The following SPAST variants were observed in gnomAD, a reference collection of about 807,000 sequenced individuals.
The protein encoded by SPAST is spastic paraplegia 4 (autosomal dominant; spastin).
Under a neutral mutation model 76.6 loss-of-function variants are expected in SPAST, and 30 were observed. That is an observed-to-expected ratio of 0.39 (90% confidence interval 0.29 to 0.53). The LOEUF (loss-of-function observed/expected upper bound fraction) is 0.53. Ranked by LOEUF, SPAST falls within the 20% of genes least tolerant of loss-of-function variation. The pLI is 0.68. For synonymous variants in SPAST, 305 were observed against 281.0 expected, an observed-to-expected ratio of 1.09 and a Z score of -0.86; for missense variants, 717 against 770.5, an observed-to-expected ratio of 0.93 and a Z score of 0.82.
rs530129698 is a variant in SPAST, at chr2:32,116,611, C to G, written c.1098+399C>G. Among the ~76,000 whole-genome samples the G allele has an allele frequency of 7.2e-5, 11 of 152,214 alleles. No homozygotes were observed. The East Asian group carries it at 2.1e-3, about 30-fold the overall frequency. On this transcript the variant is annotated intron_variant, in intron 7 of 16. Coordinates refer to ENST00000315285, the MANE Select transcript of SPAST (RefSeq NM_014946.4). ...CCTCCCAAGTAGCTGGGATTACAGG[C>G]ATGTGCCACTATGCCCAGCTAATTT...
intron 7 of SPAST, among the ~76,000 whole-genome samples, chr2:32,125,159 T>A (rs1360192219): frequency 6.6e-6 from 1 of 152,204 alleles, no homozygotes; most frequent in Non-Finnish European, 1.5e-5. Flanking sequence ...CTCTGTACTT[T>A]CTGCTCAATT....
At chr2:32,114,600 A>G (rs1245709289) in intron 4 of SPAST, 38 bp from the exon 5 acceptor site, 2 of 1,558,948 alleles carry the variant, frequency 1.3e-6, no homozygotes, top group African/African-American at 1.4e-5. Flanking sequence ...TTCAGCTACA[A>G]TTTTCTAATC....
intron 3 of SPAST, among the ~76,000 whole-genome samples, chr2:32,090,404 A>C (rs979585213): frequency 6.6e-6 from 1 of 152,188 alleles, no homozygotes; most frequent in Non-Finnish European, 1.5e-5. Flanking sequence ...TTTGAAACAA[A>C]TTATTGACTT....
chr2:32,092,065 G>A (rs2148712568), intron 3 of SPAST, among the ~76,000 whole-genome samples: 1 of 152,162 alleles, frequency 6.6e-6, no homozygotes, highest in South Asian at 2.1e-4. Flanking sequence ...TAGGTAGAAA[G>A]ATATATTCAT....
intron 4 of SPAST, among the ~76,000 whole-genome samples, chr2:32,110,436 T>C (rs1013641171): frequency 6.9e-5 from 10 of 145,902 alleles, no homozygotes; most frequent in South Asian, 4.2e-4. Flanking sequence ...TATATAGTTA[T>C]ATATACCTAT....
intron 3 of SPAST, among the ~76,000 whole-genome samples, chr2:32,091,349 C>T (rs1258741449): frequency 2.0e-5 from 3 of 149,378 alleles, no homozygotes; most frequent in East Asian, 2.0e-4. Context: ...GGTGCAATCT[C>T]GGCTCAATGC....
chr2:32,066,405 C>T (rs1166096069), intron 1 of SPAST, among the ~76,000 whole-genome samples: 1 of 152,224 alleles, frequency 6.6e-6, no homozygotes, highest in East Asian at 1.9e-4. Flanking sequence ...CATGGTGGCT[C>T]ACGCGTGTAA....
chr2:32,104,330 T>G (rs2148722114), intron 4 of SPAST, among the ~76,000 whole-genome samples: 1 of 152,308 alleles, frequency 6.6e-6, no homozygotes, highest in East Asian at 1.9e-4. Flanking sequence ...CCCTTTATTT[T>G]GAGCCTATGT....
At chr2:32,080,757 C>T (rs1310294273) in intron 1 of SPAST, among the ~76,000 whole-genome samples, 1 of 128,686 alleles carries the variant, frequency 7.8e-6, no homozygotes, top group African/African-American at 2.9e-5. Flanking sequence ...ATATGGGTTT[C>T]AGTTCTTGTA....
intron 7 of SPAST, among the ~76,000 whole-genome samples, chr2:32,120,464 TA>T (rs1467877792): frequency 1.3e-5 from 2 of 152,188 alleles, no homozygotes; most frequent in African/African-American, 4.8e-5. Flanking sequence ...ATAATTGTGT[TA>T]TTTTTTCATT....
intron 3 of SPAST, among the ~76,000 whole-genome samples, chr2:32,092,238 G>A (rs113462559): frequency 6.6e-6 from 1 of 152,156 alleles, no homozygotes; most frequent in African/African-American, 2.4e-5. Context: ...GACAGGATTT[G>A]CCTTCTTCCT....
intron 15 of SPAST, 89 bp from the exon 16 acceptor site, chr2:32,147,129 A>C (rs1321170629): frequency 2.4e-6 from 2 of 824,222 alleles, no homozygotes; most frequent in African/African-American, 3.3e-5. Context: ...GAATAGATAC[A>C]TGTAGATCAT....
At chr2:32,151,625 C>G (rs567873962) in intron 16 of SPAST, among the ~76,000 whole-genome samples, 1 of 152,008 alleles carries the variant, frequency 6.6e-6, no homozygotes, top group Non-Finnish European at 1.5e-5. Flanking sequence ...GAAAACCCAA[C>G]TTGGTCGCAC....
chr2:32,128,279 G>A, intron 8 of SPAST, 129 bp from the exon 9 acceptor site: 1 of 712,708 alleles, frequency 1.4e-6, no homozygotes, highest in Admixed American at 2.2e-5. Context: ...ACAGGCATGA[G>A]CCACCACACC....
rs185728129 is a variant in SPAST at position 32,128,570 on chromosome 2, T to C, written c.1245+91T>C. The C allele has an allele frequency of 5.8e-6, 5 of 860,544 alleles. No homozygotes were observed. The South Asian group carries it at 7.0e-5, about 12-fold the overall frequency. The allele number at this position is 860,544 out of a possible 1,614,324, so 53.3% of individuals were successfully genotyped here. The stretch of plus-strand genomic sequence containing the variant: ...TAAATGGTAATATTTCATGAAAATA[T>C]TTTTCTAGGAGCTTATCTATTGTAT... On this transcript the variant is annotated intron_variant, in intron 9 of 16. Transcript: ENST00000315285.
In SPAST at chr2:32,155,704, T is replaced by C. The variant is rs1204939356; in HGVS notation, c.*1208T>C. The C allele has an allele frequency of 1.3e-5, 2 of 152,596 alleles. No individual in the cohort carries two copies. Among genetic ancestry groups the C allele is most frequent in the Middle Eastern group, 3.4e-3 (1 of 294 alleles). 9.5% of individuals were successfully genotyped at this position (152,596 alleles called of 1,614,324 possible). On this transcript the variant is annotated 3_prime_UTR_variant, in exon 17 of 17. Coordinates refer to ENST00000315285, the MANE Select transcript of SPAST (RefSeq NM_014946.4). ...CTGGATTTTCATTATAAAAATGTCA[T>C]TGTAGGGAGTAGAGACTCATATCAT...
chr2:32,090,005 C>G (rs1677648615), intron 3 of SPAST, among the ~76,000 whole-genome samples: 2 of 152,204 alleles, frequency 1.3e-5, no homozygotes, highest in Non-Finnish European at 2.9e-5. Context: ...ACCTCGTGAT[C>G]CACCCGCCTC....
At chr2:32,103,557 T>A (rs1288701854) in intron 4 of SPAST, among the ~76,000 whole-genome samples, 1 of 152,208 alleles carries the variant, frequency 6.6e-6, no homozygotes, top group East Asian at 1.9e-4. Flanking sequence ...AATGGTGATG[T>A]TAGGGTGTCA....
chr2:32,124,086 A>T (rs531115082), intron 7 of SPAST, among the ~76,000 whole-genome samples: 3 of 152,218 alleles, frequency 2.0e-5, no homozygotes, highest in Admixed American at 6.5e-5. Flanking sequence ...ATGAAAAGAC[A>T]TGCAGCAGAG....
Sources: gnomAD v4.1 joint callset for allele counts (sites outside exome capture counted in the v4.1 genomes callset) on GRCh38, gnomAD v4.1.1 for gene constraint, MANE v1.5 for transcripts, NCBI Gene and HGNC (gene_info 2026-07-23, HGNC 2026-07-21) for gene names.